ENTREP2: variants seen among roughly 807,000 people sequenced by gnomAD.
ENTREP2 encodes protein ENTREP2.
the ENTREP2 span, among the ~76,000 whole-genome samples, chr15:29,320,828 A>G: frequency 6.6e-6 from 1 of 152,190 alleles, no homozygotes; most frequent in African/African-American, 2.4e-5. Flanking sequence ...GTCCCAAACT[A>G]AAGTGCAAGA....
At chr15:29,280,488 G>C in the ENTREP2 span, among the ~76,000 whole-genome samples, 1 of 152,196 alleles carries the variant, frequency 6.6e-6, no homozygotes, top group Non-Finnish European at 1.5e-5. Context: ...GCCTGGGGAA[G>C]GAAGAGGAAG....
the ENTREP2 span, among the ~76,000 whole-genome samples, chr15:29,645,280 TG>T: frequency 6.6e-6 from 1 of 151,918 alleles, no homozygotes; most frequent in Non-Finnish European, 1.5e-5. Context: ...GTCTAAATGG[TG>T]AAAAAAAATA....
At chr15:29,355,966 T>C in the ENTREP2 span, among the ~76,000 whole-genome samples, 1,288 of 152,238 alleles carry the variant, frequency 8.5e-3, 15 homozygotes, top group African/African-American at 0.029. Context: ...GCTAATTTAC[T>C]CATTTTTCCA....
At chr15:29,597,188 T>C in the ENTREP2 span, among the ~76,000 whole-genome samples, 1 of 152,228 alleles carries the variant, frequency 6.6e-6, no homozygotes, top group Non-Finnish European at 1.5e-5. Flanking sequence ...TCGCTTGCTT[T>C]TTCCAGAATG....
the ENTREP2 span, among the ~76,000 whole-genome samples, chr15:29,205,552 T>A: frequency 5.9e-5 from 9 of 152,338 alleles, no homozygotes; most frequent in South Asian, 1.0e-3. Context: ...GGTTTCGAGT[T>A]GCATTTCCCT....
the ENTREP2 span, among the ~76,000 whole-genome samples, chr15:29,587,367 C>CTA: frequency 1.3e-5 from 2 of 152,044 alleles, no homozygotes; most frequent in African/African-American, 4.8e-5. Flanking sequence ...GACTGTTATA[C>CTA]TAGAGCGATG....
At chr15:29,607,053 G>T in the ENTREP2 span, among the ~76,000 whole-genome samples, 4 of 152,094 alleles carry the variant, frequency 2.6e-5, no homozygotes, top group African/African-American at 9.7e-5. Context: ...GGCTGTTCTC[G>T]AATTCCTGGC....
the ENTREP2 span, among the ~76,000 whole-genome samples, chr15:29,140,521 T>C: frequency 6.6e-6 from 1 of 152,144 alleles, no homozygotes; most frequent in Non-Finnish European, 1.5e-5. Flanking sequence ...TCCATCTGGT[T>C]TCCAGCTTCC....
At chr15:29,596,668 T>A in the ENTREP2 span, among the ~76,000 whole-genome samples, 1 of 152,108 alleles carries the variant, frequency 6.6e-6, no homozygotes, top group Non-Finnish European at 1.5e-5. Context: ...TAATTATTTT[T>A]ATTTTTTTAT....
At chr15:29,657,483 C>CGG in the ENTREP2 span, among the ~76,000 whole-genome samples, 942 of 69,156 alleles carry the variant, frequency 0.014, 32 homozygotes, top group South Asian at 0.02. Context: ...GCTGGGGGGG[C>CGG]GGGGGGGGGG....
At chr15:29,141,862 C>T in the ENTREP2 span, among the ~76,000 whole-genome samples, 1 of 152,340 alleles carries the variant, frequency 6.6e-6, no homozygotes, top group Admixed American at 6.5e-5. Flanking sequence ...CCTGCGGCCC[C>T]CTGGTCCTGC....
At chr15:29,147,400 G>A in the ENTREP2 span, among the ~76,000 whole-genome samples, 4 of 152,230 alleles carry the variant, frequency 2.6e-5, no homozygotes, top group Admixed American at 1.3e-4. Context: ...AAGTGTTGGC[G>A]TGGATGTGAA....
chr15:29,427,832 T>A, the ENTREP2 span, among the ~76,000 whole-genome samples: 15 of 152,144 alleles, frequency 9.9e-5, no homozygotes, highest in Non-Finnish European at 1.9e-4. Flanking sequence ...AGTCTCCCTA[T>A]ACACCCAGAA....
At chr15:29,610,397 C>G in the ENTREP2 span, 2 of 150,540 alleles carry the variant, frequency 1.3e-5, no homozygotes, top group Non-Finnish European at 3.0e-5. Flanking sequence ...ACAGATGAGG[C>G]TGCTTCAGGG....
the ENTREP2 span, among the ~76,000 whole-genome samples, chr15:29,386,092 C>T: frequency 6.6e-6 from 1 of 152,160 alleles, no homozygotes; most frequent in South Asian, 2.1e-4. Flanking sequence ...CTACCTCCAC[C>T]ACTCAATTAA....
At chr15:29,338,425 C>CA in the ENTREP2 span, among the ~76,000 whole-genome samples, 13,187 of 80,146 alleles carry the variant, frequency 0.16, 1,070 homozygotes, top group African/African-American at 0.28. Flanking sequence ...GACTCCATCT[C>CA]AAAAAAAAAA....
chr15:29,482,093 G>A, the ENTREP2 span, among the ~76,000 whole-genome samples: 2 of 151,796 alleles, frequency 1.3e-5, no homozygotes, highest in African/African-American at 2.4e-5. Context: ...CACATTCCAG[G>A]TTCAAGCAAT....
chr15:29,253,524 C>T, the ENTREP2 span, among the ~76,000 whole-genome samples: 1 of 149,368 alleles, frequency 6.7e-6, no homozygotes, highest in Non-Finnish European at 1.5e-5. Flanking sequence ...CTCATTGCAA[C>T]CTCTGCCTCC....
the ENTREP2 span, among the ~76,000 whole-genome samples, chr15:29,325,193 G>A: frequency 6.6e-6 from 1 of 152,110 alleles, no homozygotes; most frequent in Non-Finnish European, 1.5e-5. Flanking sequence ...CATACTCAAG[G>A]AGAATTTGCA....
Sources: allele counts gnomAD v4.1 joint callset (sites outside exome capture counted in the v4.1 genomes callset), GRCh38; gene constraint gnomAD v4.1.1; transcripts MANE v1.5; gene names NCBI Gene and HGNC (gene_info 2026-07-23, HGNC 2026-07-21).